WDR59: variants seen among roughly 807,000 people sequenced by gnomAD.
WDR59 encodes GATOR2 complex protein WDR59.
WDR59 carries 100 observed loss-of-function variants against 131.2 expected under a neutral mutation model. The observed-to-expected ratio is 0.76, with a 90% CI of 0.65 to 0.90. The LOEUF is 0.90. Among genes scored for constraint, WDR59 ranks in the 40% least tolerant of loss-of-function variants. The probability of loss-of-function intolerance (pLI) is 0.00; values close to 1 mark genes in which losing one functional copy is unlikely to be tolerated. For synonymous variants in WDR59, 601 were observed against 466.2 expected (o/e 1.29, Z -3.72); for missense variants, 1,203 against 1,262.2 (o/e 0.95, Z 0.71).
At chr16:74,881,597 G>A (rs893691776) in intron 25 of WDR59, among the ~76,000 whole-genome samples, 6 of 152,056 alleles carry the variant, frequency 3.9e-5, no homozygotes, top group Admixed American at 6.5e-5. Context: ...CTTCTTGGCC[G>A]GGTGTGGGGG....
chr16:74,910,700 T>A (rs1966043389), intron 14 of WDR59, among the ~76,000 whole-genome samples: 1 of 152,242 alleles, frequency 6.6e-6, no homozygotes, highest in Non-Finnish European at 1.5e-5. Flanking sequence ...CATTTATGCC[T>A]AATGTTCCAT....
chr16:74,881,192 C>T (rs1964463730), intron 25 of WDR59, among the ~76,000 whole-genome samples: 1 of 152,116 alleles, frequency 6.6e-6, no homozygotes, highest in African/African-American at 2.4e-5. Flanking sequence ...AAACCATGAG[C>T]CCCGTCTGTA....
At chr16:74,965,188 G>A (rs1259371333) in intron 2 of WDR59, among the ~76,000 whole-genome samples, 1 of 152,180 alleles carries the variant, frequency 6.6e-6, no homozygotes, top group East Asian at 1.9e-4. Context: ...TACAGGCCAT[G>A]CCTGGCTTGA....
chr16:74,911,770 G>C (rs530894616), intron 14 of WDR59, among the ~76,000 whole-genome samples: 2 of 152,176 alleles, frequency 1.3e-5, no homozygotes, highest in African/African-American at 4.8e-5. Flanking sequence ...GTTGTTTTCA[G>C]GTAAATGAAA....
chr16:74,886,294 C>T lies in WDR59; in HGVS notation c.2522G>A (p.Arg841His), dbSNP rs1359437796. The change falls in exon 24 of 26, where the codon CGC becomes CAC. Residue 841 changes from arginine to histidine, a missense_variant. Arg to His is a conservative substitution (Grantham distance 29). Coordinates refer to ENST00000262144, the MANE Select transcript of WDR59 (RefSeq NM_030581.4). Reference protein sequence around the residue: ...LTYSDPRERERDQHDKNKRLL... With the variant: ...LTYSDPREREHDQHDKNKRLL... ...CCTTTTATTTTTATCATGCTGGTCG[C>T]GTTCTCGCTCACGGGGATCACTGTA... 9 of 1,612,554 alleles carry T rather than the reference C, an allele frequency of 5.6e-6. No homozygotes were observed. The highest frequency in any genetic ancestry group is 3.3e-5 in the South Asian group (3 of 91,058).
At chr16:74,975,479 A>C (rs1354103598) in intron 1 of WDR59, among the ~76,000 whole-genome samples, 2 of 152,126 alleles carry the variant, frequency 1.3e-5, no homozygotes, top group South Asian at 4.2e-4. Context: ...CCTGGCCAAC[A>C]TGGTAAAACC....
chr16:74,884,796 C>T (rs930402905), intron 25 of WDR59, among the ~76,000 whole-genome samples: 1 of 152,192 alleles, frequency 6.6e-6, no homozygotes, highest in African/African-American at 2.4e-5. Context: ...CAGTCATTTC[C>T]CTGGGGCCTG....
chr16:74,913,166 C>T (rs1966190297), intron 13 of WDR59, among the ~76,000 whole-genome samples: 1 of 151,900 alleles, frequency 6.6e-6, no homozygotes, highest in African/African-American at 2.4e-5. Context: ...CTACTTCTTG[C>T]AGGAGTCAAG....
At chr16:74,925,477 G>T (rs2030691416) in intron 8 of WDR59, among the ~76,000 whole-genome samples, 1 of 150,106 alleles carries the variant, frequency 6.7e-6, no homozygotes, top group Non-Finnish European at 1.5e-5. Context: ...CCGGGAGGCA[G>T]AGGTTGTAGT....
rs1964837303 is a variant in WDR59 at position 74,887,745 on chromosome 16, G to A, written c.2357C>T (p.Thr786Ile). Residue 786 changes from threonine (T) to isoleucine (I), a missense_variant, in exon 23 of 26, where the codon ACC becomes ATC. Physicochemically the swap from Thr to Ile is moderately conservative, Grantham distance 89 (BLOSUM62 -1). Coordinates refer to ENST00000262144, the MANE Select transcript of WDR59 (RefSeq NM_030581.4). ...VVSHSRYPSF[T>I]SSGSCSSMSD... is the part of the protein sequence containing the mutation. ...CATACTGGAGCAGGAACCAGAAGAG[G>A]TAAAGCTAGGCTACAGAAGGGAAGA... is the stretch of plus-strand genomic sequence containing the variant. The A allele has an allele frequency of 6.2e-7, 1 of 1,613,904 alleles. No homozygotes were observed. The highest frequency in any genetic ancestry group is 1.1e-5 in the South Asian group (1 of 91,088).
chr16:74,982,081 T>C (rs923168175), intron 1 of WDR59, among the ~76,000 whole-genome samples: 2 of 147,588 alleles, frequency 1.4e-5, no homozygotes, highest in Non-Finnish European at 3.0e-5. Context: ...ATACAGAGAC[T>C]CCTATCCCTA....
chr16:74,896,955 C>T (rs569390835), intron 18 of WDR59, among the ~76,000 whole-genome samples: 60 of 152,296 alleles, frequency 3.9e-4, no homozygotes, highest in Admixed American at 8.5e-4. Flanking sequence ...GATTTGAACA[C>T]AGGCCTGTCA....
chr16:74,962,621 T>C (rs2033609390), intron 2 of WDR59, among the ~76,000 whole-genome samples: 1 of 152,124 alleles, frequency 6.6e-6, no homozygotes. Context: ...CTTGTGATTT[T>C]TGCACATTGA....
intron 1 of WDR59, among the ~76,000 whole-genome samples, chr16:74,979,475 C>CAA (rs1396805441): frequency 6.6e-6 from 1 of 150,554 alleles, no homozygotes; most frequent in African/African-American, 2.4e-5. Context: ...CAAAACAAAA[C>CAA]AAAACAAAAC....
intron 6 of WDR59, among the ~76,000 whole-genome samples, chr16:74,945,669 A>G (rs2032574757): frequency 6.6e-6 from 1 of 152,100 alleles, no homozygotes; most frequent in South Asian, 2.1e-4. Context: ...CACTTAGCGC[A>G]GAAGCACAGG....
rs550803249 is a variant in WDR59, at chr16:74,879,605, C to T, written c.2690-5161G>A. Among the ~76,000 whole-genome samples, 6 of 152,140 alleles carry T rather than the reference C, an allele frequency of 3.9e-5. No homozygotes were observed. In the East Asian group the frequency reaches 1.2e-3, roughly 29 times the overall value. On this transcript the variant is annotated intron_variant, in intron 25 of 25. Coordinates refer to ENST00000262144, the MANE Select transcript of WDR59 (RefSeq NM_030581.4). ...TTTCTACTAGAAAGGAGAAAACATT[C>T]TTTCTTCTTTCTTGCTCCATCTCTA... is the stretch of plus-strand genomic sequence containing the variant.
chr16:74,879,211 A>G (rs1221811226), intron 25 of WDR59, among the ~76,000 whole-genome samples: 1 of 152,166 alleles, frequency 6.6e-6, no homozygotes, highest in African/African-American at 2.4e-5. Flanking sequence ...TTTAAAAATT[A>G]GCCGGGCATG....
intron 7 of WDR59, among the ~76,000 whole-genome samples, chr16:74,939,904 G>A (rs1280715404): frequency 6.6e-6 from 1 of 152,156 alleles, no homozygotes; most frequent in Non-Finnish European, 1.5e-5. Context: ...AGGATCACTT[G>A]AGTCCAGGAG....
chr16:74,929,381 A>T (rs1275702846), intron 8 of WDR59, among the ~76,000 whole-genome samples: 1 of 152,186 alleles, frequency 6.6e-6, no homozygotes, highest in Non-Finnish European at 1.5e-5. Flanking sequence ...GGCTGAACAG[A>T]CATCTCTCAA....
Sources: gnomAD v4.1 joint callset for allele counts (sites outside exome capture counted in the v4.1 genomes callset) on GRCh38, gnomAD v4.1.1 for gene constraint, MANE v1.5 for transcripts, NCBI Gene and HGNC (gene_info 2026-07-23, HGNC 2026-07-21) for gene names.